The following SUSD6 variants were observed in gnomAD, a reference collection of about 807,000 sequenced individuals.
SUSD6 encodes the protein sushi domain-containing protein 6.
In SUSD6, 16 loss-of-function variants were observed where a neutral mutation model predicts 28.4. That is an observed-to-expected ratio of 0.56 (90% CI 0.38 to 0.86). The LOEUF is 0.86. Among genes scored for constraint, SUSD6 ranks in the 40% least tolerant of loss-of-function variants. SUSD6 has a pLI of 0.00. For missense variants in SUSD6, 341 were observed against 384.2 expected (o/e 0.89, Z 0.94); for synonymous variants, 147 against 159.6 (o/e 0.92, Z 0.59).
intron 1 of SUSD6, among the ~76,000 whole-genome samples, chr14:69,614,043 G>A (rs1168361217): frequency 6.6e-6 from 1 of 152,204 alleles, no homozygotes; most frequent in African/African-American, 2.4e-5. Context: ...TCTCTGAGGT[G>A]TGGTGATTGA....
At chr14:69,669,762 T>A (rs1885802342) in intron 2 of SUSD6, among the ~76,000 whole-genome samples, 2 of 152,200 alleles carry the variant, frequency 1.3e-5, no homozygotes, top group Admixed American at 6.5e-5. Flanking sequence ...CCATCTCTCT[T>A]ACCACTAGAA....
chr14:69,690,754 C>T (rs1379099140), intron 2 of SUSD6, among the ~76,000 whole-genome samples: 1 of 152,142 alleles, frequency 6.6e-6, no homozygotes, highest in African/African-American at 2.4e-5. Context: ...GAATCTCATC[C>T]CGCACAAGAT....
intron 2 of SUSD6, among the ~76,000 whole-genome samples, chr14:69,700,888 T>TTTTTG (rs1255207679): frequency 1.3e-5 from 2 of 152,218 alleles, no homozygotes; most frequent in African/African-American, 2.4e-5. Flanking sequence ...GAGTCTGTTT[T>TTTTTG]TTTTGTTTTG....
intron 1 of SUSD6, among the ~76,000 whole-genome samples, chr14:69,640,523 A>C (rs1310441091): frequency 2.0e-5 from 3 of 152,108 alleles, no homozygotes; most frequent in Non-Finnish European, 4.4e-5. Flanking sequence ...TTTTTTGTAG[A>C]GACAGGGTCT....
chr14:69,684,364 T>C (rs1886041017), intron 2 of SUSD6, among the ~76,000 whole-genome samples: 1 of 152,224 alleles, frequency 6.6e-6, no homozygotes, highest in Non-Finnish European at 1.5e-5. Context: ...TCAAAAAGTG[T>C]TCTTAGTAGA....
intron 2 of SUSD6, among the ~76,000 whole-genome samples, chr14:69,666,532 A>G (rs1042854881): frequency 6.6e-6 from 1 of 152,250 alleles, no homozygotes; most frequent in African/African-American, 2.4e-5. Flanking sequence ...GGGAGAATAT[A>G]ACATTAGAAT....
intron 1 of SUSD6, among the ~76,000 whole-genome samples, chr14:69,628,065 T>C (rs1387054991): frequency 2.0e-5 from 3 of 152,068 alleles, no homozygotes; most frequent in African/African-American, 7.2e-5. Context: ...CCTACGTAGC[T>C]GGGATTACAG....
intron 2 of SUSD6, among the ~76,000 whole-genome samples, chr14:69,658,919 G>A (rs959977131): frequency 6.6e-6 from 1 of 152,138 alleles, no homozygotes. Flanking sequence ...GGAGCCTGCT[G>A]GTGGTAACCT....
intron 1 of SUSD6, among the ~76,000 whole-genome samples, chr14:69,645,781 G>A (rs1034083822): frequency 8.1e-5 from 12 of 147,428 alleles, no homozygotes; most frequent in Non-Finnish European, 1.3e-4. Context: ...ACAGCATCTC[G>A]CTCTGTCACC....
intron 2 of SUSD6, among the ~76,000 whole-genome samples, chr14:69,696,149 C>T (rs959731080): frequency 3.3e-5 from 5 of 152,206 alleles, no homozygotes; most frequent in South Asian, 2.1e-4. Context: ...CAGCAGGCCC[C>T]GGCTTAACTG....
At position 69,631,382 on chromosome 14, in the gene SUSD6, A is replaced by G. The variant is rs532593041; in HGVS notation, c.-81+19554A>G. ...GTTATATAAAATGGAATAAATTTCA[A>G]CTCTACCAAGATTGCATGCTTTTGG... On this transcript the variant is annotated intron_variant, in intron 1 of 5. Coordinates refer to ENST00000342745, the MANE Select transcript of SUSD6 (RefSeq NM_014734.4). Among the ~76,000 whole-genome samples, 219 of 152,220 alleles carry G rather than the reference A, an allele frequency of 1.4e-3. 2 individuals carry two copies. The highest frequency in any genetic ancestry group is 2.5e-3 in the Non-Finnish European group (172 of 68,024).
At chr14:69,658,469 T>A in intron 1 of SUSD6, 44 bp from the exon 2 acceptor site, 1 of 1,027,170 alleles carries the variant, frequency 9.7e-7, no homozygotes, top group Non-Finnish European at 1.4e-6. Flanking sequence ...TTAACTAACT[T>A]ATGGCTGAAG....
chr14:69,694,196 G>C (rs888824866), intron 2 of SUSD6, among the ~76,000 whole-genome samples: 1 of 152,222 alleles, frequency 6.6e-6, no homozygotes, highest in African/African-American at 2.4e-5. Context: ...AACCTGCAGA[G>C]ACTACAACAT....
chr14:69,612,752 A>G (rs1331574043), intron 1 of SUSD6, among the ~76,000 whole-genome samples: 1 of 152,198 alleles, frequency 6.6e-6, no homozygotes, highest in African/African-American at 2.4e-5. Flanking sequence ...GCTCTCGCTA[A>G]CTGGGCTCCT....
In SUSD6 at chr14:69,703,430, T is replaced by C. The variant is rs1283291014; in HGVS notation, c.157T>C (p.Tyr53His). ...PLPPEPENGGYICHPRPCRDP... is the reference protein window; with the variant it reads ...PLPPEPENGGHICHPRPCRDP... ...ACCACCGGAGCCAGAGAATGGTGGC[T>C]ACATCTGCCACCCCCGGCCCTGCAG... Residue 53 changes from tyrosine (Y) to histidine (H), a missense_variant, in exon 3 of 6, where the codon TAC becomes CAC. Tyr to His is a moderately conservative substitution (Grantham distance 83). Transcript: ENST00000342745. The C allele has an allele frequency of 1.2e-6, 2 of 1,614,060 alleles. No individual in the cohort carries two copies. The highest frequency in any genetic ancestry group is 8.5e-7 in the Non-Finnish European group (1 of 1,179,966).
intron 1 of SUSD6, among the ~76,000 whole-genome samples, chr14:69,624,735 G>T (rs1432240313): frequency 6.6e-6 from 1 of 152,136 alleles, no homozygotes; most frequent in African/African-American, 2.4e-5. Flanking sequence ...AATTACAGGC[G>T]TGAGCCACCG....
chr14:69,709,132 A>G (rs1886427763), intron 5 of SUSD6, 28 bp downstream of exon 5: 3 of 1,527,598 alleles, frequency 2.0e-6, no homozygotes, highest in African/African-American at 1.4e-5. Context: ...AACATGAATT[A>G]TTAGCTGCTT....
At chr14:69,656,933 G>T (rs12895185) in intron 1 of SUSD6, among the ~76,000 whole-genome samples, 71,970 of 152,118 alleles carry the variant, frequency 0.47, 20,039 homozygotes, top group East Asian at 0.69. Context: ...CTGTTCTACA[G>T]TTTTAAAGGC....
intron 2 of SUSD6, among the ~76,000 whole-genome samples, chr14:69,660,976 G>A (rs1566597729): frequency 6.6e-6 from 1 of 152,190 alleles, no homozygotes; most frequent in Non-Finnish European, 1.5e-5. Flanking sequence ...AACAAATGGT[G>A]CTCAATAAGT....
Sources: allele counts gnomAD v4.1 joint callset (sites outside exome capture counted in the v4.1 genomes callset), GRCh38; gene constraint gnomAD v4.1.1; transcripts MANE v1.5; gene names NCBI Gene and HGNC (gene_info 2026-07-23, HGNC 2026-07-21).